MGST1: variants seen among roughly 807,000 people sequenced by gnomAD.
MGST1 encodes the protein microsomal glutathione S-transferase 1.
Under a neutral mutation model 8.9 loss-of-function variants are expected in MGST1, and 5 were observed. The ratio of observed to expected loss-of-function variants is 0.56; its 90% CI spans 0.29 to 1.19. MGST1 has a LOEUF of 1.19. Ranked by LOEUF, MGST1 falls within the 50% of genes most tolerant of loss-of-function variation. The probability of loss-of-function intolerance (pLI) is 0.08; values close to 1 mark genes in which losing one functional copy is unlikely to be tolerated. For synonymous variants in MGST1, 54 were observed against 67.8 expected (o/e 0.80, Z 1.00); for missense variants, 182 against 187.4 (o/e 0.97, Z 0.17).
At chr12:16,476,051 C>T (rs912910790) in intron 4 of MGST1, among the ~76,000 whole-genome samples, 1 of 152,088 alleles carries the variant, frequency 6.6e-6, no homozygotes, top group Non-Finnish European at 1.5e-5. Flanking sequence ...CAAGCCCCTA[C>T]TCTCATATTC....
At chr12:16,533,214 A>C (rs1363493930) in intron 4 of MGST1, among the ~76,000 whole-genome samples, 1 of 152,178 alleles carries the variant, frequency 6.6e-6, no homozygotes, top group Non-Finnish European at 1.5e-5. Context: ...TGTTCATTTC[A>C]CTAGAATTAT....
At chr12:16,480,788 T>C (rs1941358581) in intron 4 of MGST1, among the ~76,000 whole-genome samples, 1 of 152,102 alleles carries the variant, frequency 6.6e-6, no homozygotes, top group African/African-American at 2.4e-5. Flanking sequence ...AACCATCCTT[T>C]GGCTAGGCCT....
intron 4 of MGST1, among the ~76,000 whole-genome samples, chr12:16,493,409 C>T (rs1345458479): frequency 6.6e-6 from 1 of 152,074 alleles, no homozygotes; most frequent in African/African-American, 2.4e-5. Flanking sequence ...TTGTAGGGCC[C>T]TATCCCATAC....
intron 1 of MGST1, among the ~76,000 whole-genome samples, chr12:16,414,358 T>C (rs1435308465): frequency 2.3e-4 from 7 of 29,852 alleles, no homozygotes; most frequent in East Asian, 2.1e-3. Flanking sequence ...ACCTGATTTC[T>C]TTTTTTTTTT....
At chr12:16,399,614 T>A in intron 1 of MGST1, 2 of 1,609,102 alleles carry the variant, frequency 1.2e-6, no homozygotes, top group Non-Finnish European at 1.7e-6. Context: ...TTTCAGACTC[T>A]GAATCCCCTT....
chr12:16,450,839 CGTGTGTGTGTGTGTGTGTGT>C (rs66984063), intron 4 of MGST1, among the ~76,000 whole-genome samples: 4 of 147,882 alleles, frequency 2.7e-5, no homozygotes, highest in African/African-American at 7.5e-5. Flanking sequence ...ATATATATTC[CGTGTGTGTGTGTGTGTGTGT>C]GTGTGTGTGT....
At chr12:16,534,014 T>A (rs1257648147) in intron 4 of MGST1, among the ~76,000 whole-genome samples, 1 of 152,030 alleles carries the variant, frequency 6.6e-6, no homozygotes, top group African/African-American at 2.4e-5. Flanking sequence ...TTTATTACGG[T>A]GAGGTGGAAG....
intron 4 of MGST1, among the ~76,000 whole-genome samples, chr12:16,510,796 T>G (rs1941572175): frequency 6.6e-6 from 1 of 152,200 alleles, no homozygotes; most frequent in Admixed American, 6.5e-5. Context: ...AAGGATGACT[T>G]AGTCAGGAAA....
chr12:16,518,445 A>G (rs1223451896), intron 4 of MGST1, among the ~76,000 whole-genome samples: 1 of 152,184 alleles, frequency 6.6e-6, no homozygotes, highest in Non-Finnish European at 1.5e-5. Flanking sequence ...TTTAGTTTTG[A>G]AAAGTTTTAT....
intron 1 of MGST1, among the ~76,000 whole-genome samples, chr12:16,419,868 C>A (rs1940819240): frequency 6.6e-6 from 1 of 152,120 alleles, no homozygotes; most frequent in Admixed American, 6.6e-5. Context: ...ATAGACATAA[C>A]AAAGGCCATA....
At chr12:16,348,850 C>T (rs1355836004) in intron 1 of MGST1, 2 of 149,832 alleles carry the variant, frequency 1.3e-5, no homozygotes, top group Non-Finnish European at 3.0e-5. Flanking sequence ...TGGATATTAC[C>T]CTCTCTGGCA....
At position 16,555,543 on chromosome 12, in the gene MGST1, C is replaced by G. The variant is rs1287463655; in HGVS notation, n.483-33985C>G. On this transcript the variant is annotated intron_variant and non_coding_transcript_variant, in intron 4 of 4. Transcript: ENST00000538857. This position sits in a 1 kb window ranked among gnomAD's most constrained non-coding sequence, Gnocchi z 5.5. Reference sequence around the variant, plus strand: ...GGTTAAGGTAGATTTATTCCAGAAACCAACAGCTTTAAATAACAAATGTAT... The same window carrying G: ...GGTTAAGGTAGATTTATTCCAGAAAGCAACAGCTTTAAATAACAAATGTAT... Among the ~76,000 whole-genome samples the G allele has an allele frequency of 6.6e-6, 1 of 152,170 alleles. No homozygotes were observed. The highest frequency in any genetic ancestry group is 1.5e-5 in the Non-Finnish European group (1 of 68,028).
intron 4 of MGST1, among the ~76,000 whole-genome samples, chr12:16,505,249 A>T (rs1042952145): frequency 7.2e-5 from 11 of 151,896 alleles, no homozygotes; most frequent in Non-Finnish European, 1.3e-4. Flanking sequence ...CCACAAGAAT[A>T]AAAAAAATGC....
intron 4 of MGST1, among the ~76,000 whole-genome samples, chr12:16,564,900 C>G (rs1942538399): frequency 6.6e-6 from 1 of 152,094 alleles, no homozygotes; most frequent in Non-Finnish European, 1.5e-5. Flanking sequence ...ATCTTCGTGC[C>G]TCAGCTCCCC....
chr12:16,592,781 T>C (rs1943533804), downstream of MGST1, among the ~76,000 whole-genome samples: 1 of 151,936 alleles, frequency 6.6e-6, no homozygotes, highest in South Asian at 2.1e-4. Context: ...CAAAAAACAC[T>C]ATCCTAGAGA....
At chr12:16,539,876 G>A (rs1483694433) in intron 4 of MGST1, among the ~76,000 whole-genome samples, 1 of 152,054 alleles carries the variant, frequency 6.6e-6, no homozygotes, top group Non-Finnish European at 1.5e-5. Context: ...AAATAAACAA[G>A]GCCCTTCATC....
At chr12:16,523,426 T>A (rs1321665096) in intron 4 of MGST1, among the ~76,000 whole-genome samples, 2 of 152,054 alleles carry the variant, frequency 1.3e-5, no homozygotes, top group Non-Finnish European at 2.9e-5. Flanking sequence ...TACATATTCA[T>A]CTGTCACCCA....
intron 1 of MGST1, among the ~76,000 whole-genome samples, chr12:16,386,020 A>G (rs1323254596): frequency 6.6e-6 from 1 of 152,126 alleles, no homozygotes; most frequent in Non-Finnish European, 1.5e-5. Flanking sequence ...TTGGTCTTTC[A>G]GTGGCTCGTT....
intron 4 of MGST1, among the ~76,000 whole-genome samples, chr12:16,538,608 CTTTT>C (rs35801123): frequency 4.7e-5 from 6 of 128,218 alleles, no homozygotes; most frequent in Non-Finnish European, 1.6e-5. Context: ...AAAGGCACTT[CTTTT>C]TTTTTTTTTT....
Sources: gnomAD v4.1 joint callset for allele counts (sites outside exome capture counted in the v4.1 genomes callset) on GRCh38, gnomAD v4.1.1 for gene constraint, Gnocchi (gnomAD v3.1) non-coding constraint, MANE v1.5 for transcripts, NCBI Gene and HGNC (gene_info 2026-07-23, HGNC 2026-07-21) for gene names.